STIMATE: variants seen among roughly 807,000 people sequenced by gnomAD.
STIMATE encodes the protein STIM activating enhancer, also known as store-operated calcium entry regulator STIMATE.
Under a neutral mutation model 36.7 loss-of-function variants are expected in STIMATE, and 15 were observed. The observed-to-expected ratio is 0.41, with a 90% CI of 0.27 to 0.63. The LOEUF (loss-of-function observed/expected upper bound fraction) is 0.63. STIMATE is among the 20% of genes least tolerant of loss of function. STIMATE has a pLI of 0.32. For missense variants in STIMATE, 305 were observed against 397.3 expected (o/e 0.77, Z 1.98); for synonymous variants, 163 against 162.3 (o/e 1.00, Z -0.03).
chr3:52,853,758 T>G (rs886493104), intron 2 of STIMATE, among the ~76,000 whole-genome samples: 11 of 152,226 alleles, frequency 7.2e-5, no homozygotes, highest in African/African-American at 2.7e-4. Context: ...ATTATCAAAT[T>G]CGCCAGCAAC....
intron 2 of STIMATE, among the ~76,000 whole-genome samples, chr3:52,854,466 G>A (rs930887332): frequency 6.6e-6 from 1 of 152,230 alleles, no homozygotes; most frequent in Non-Finnish European, 1.5e-5. Context: ...GGGATTTGGA[G>A]CGCTTCCGGG....
chr3:52,862,507 C>A (rs1249355314), intron 1 of STIMATE, among the ~76,000 whole-genome samples: 1 of 152,218 alleles, frequency 6.6e-6, no homozygotes, highest in East Asian at 1.9e-4. Flanking sequence ...AAACTTGCCT[C>A]ATCTTAGAAT....
intron 1 of STIMATE, among the ~76,000 whole-genome samples, chr3:52,885,562 A>C (rs1351780761): frequency 1.3e-5 from 2 of 152,220 alleles, no homozygotes; most frequent in African/African-American, 4.8e-5. Flanking sequence ...TTCCACTTAC[A>C]GTTCTCCAGC....
At chr3:52,866,890 T>C (rs1003520778) in intron 1 of STIMATE, among the ~76,000 whole-genome samples, 1 of 152,208 alleles carries the variant, frequency 6.6e-6, no homozygotes, top group African/African-American at 2.4e-5. Context: ...AGCACAACTG[T>C]CTTGAGATTA....
At chr3:52,869,963 C>T (rs1176996608) in intron 1 of STIMATE, among the ~76,000 whole-genome samples, 2 of 152,208 alleles carry the variant, frequency 1.3e-5, no homozygotes, top group African/African-American at 2.4e-5. Flanking sequence ...AGTATTACAG[C>T]CATGCTTTGT....
At chr3:52,868,862 C>T (rs555033689) in intron 1 of STIMATE, among the ~76,000 whole-genome samples, 5 of 152,130 alleles carry the variant, frequency 3.3e-5, no homozygotes, top group Non-Finnish European at 7.3e-5. Flanking sequence ...ATAAGTGATC[C>T]GCCTGCCTTG....
chr3:52,876,454 A>C (rs1701504557), intron 1 of STIMATE, among the ~76,000 whole-genome samples: 1 of 152,202 alleles, frequency 6.6e-6, no homozygotes, highest in Non-Finnish European at 1.5e-5. Flanking sequence ...AGAACACTTA[A>C]ATCTACAGTT....
intron 1 of STIMATE, among the ~76,000 whole-genome samples, chr3:52,887,178 C>A (rs1701699095): frequency 6.6e-6 from 1 of 152,172 alleles, no homozygotes; most frequent in Admixed American, 6.5e-5. Context: ...GAGTTTTGAT[C>A]ATTATACTGT....
intron 5 of STIMATE, among the ~76,000 whole-genome samples, chr3:52,844,407 C>T (rs756225561): frequency 6.6e-6 from 1 of 152,162 alleles, no homozygotes; most frequent in Non-Finnish European, 1.5e-5. Context: ...TTGGGGAGCC[C>T]GTGGGCTGGC....
intron 1 of STIMATE, among the ~76,000 whole-genome samples, chr3:52,894,677 G>C (rs1398119054): frequency 1.3e-5 from 2 of 152,198 alleles, no homozygotes; most frequent in African/African-American, 4.8e-5. Flanking sequence ...GGTGAAGTAA[G>C]GAAAACTACC....
intron 1 of STIMATE, among the ~76,000 whole-genome samples, chr3:52,858,818 A>G (rs1421516786): frequency 6.6e-6 from 1 of 152,178 alleles, no homozygotes; most frequent in Non-Finnish European, 1.5e-5. Context: ...GGTTAGGTCC[A>G]TATGACACAG....
In STIMATE at chr3:52,843,789, A is replaced by G. The variant is rs758367983; in HGVS notation, c.550T>C (p.Leu184=). The G allele has an allele frequency of 1.9e-6, 3 of 1,581,772 alleles. No homozygotes were observed. Among genetic ancestry groups the G allele is most frequent in the African/African-American group, 2.7e-5 (2 of 74,008 alleles). Residue 184 remains leucine, a synonymous_variant, in exon 6 of 8, where the codon TTG becomes CTG. Coordinates refer to ENST00000355083, the MANE Select transcript of STIMATE (RefSeq NM_198563.5). The part of the protein sequence containing the change: ...LILQWKKVAL[L]NPIENPDLKL... ...AAGTCTGGGTTTTCAATGGGATTCA[A>G]CAGGGCCACCTGTAAAGAGAAGCAG...
chr3:52,877,870 C>T (rs912423185), intron 1 of STIMATE, among the ~76,000 whole-genome samples: 2 of 152,098 alleles, frequency 1.3e-5, no homozygotes, highest in African/African-American at 4.8e-5. Context: ...CTAAGGCGGG[C>T]AGATCACGAG....
intron 2 of STIMATE, among the ~76,000 whole-genome samples, chr3:52,854,547 C>T (rs971078241): frequency 2.0e-5 from 3 of 152,314 alleles, no homozygotes; most frequent in East Asian, 1.9e-4. Flanking sequence ...TTCTGGACCT[C>T]GCCCTATGCA....
intron 1 of STIMATE, among the ~76,000 whole-genome samples, chr3:52,889,052 T>C (rs886732159): frequency 1.5e-4 from 23 of 152,142 alleles, no homozygotes; most frequent in African/African-American, 5.3e-4. Flanking sequence ...AACCTGCTTA[T>C]GGCACAAAAT....
intron 1 of STIMATE, among the ~76,000 whole-genome samples, chr3:52,860,937 G>C (rs1701206918): frequency 6.6e-6 from 1 of 152,216 alleles, no homozygotes; most frequent in Non-Finnish European, 1.5e-5. Flanking sequence ...CACGGAAACA[G>C]TTGTGCCCTG....
At chr3:52,852,959 T>C (rs77406711) in intron 2 of STIMATE, among the ~76,000 whole-genome samples, 2,008 of 152,290 alleles carry the variant, frequency 0.013, 47 homozygotes, top group African/African-American at 0.046. Flanking sequence ...TACTTCAAAA[T>C]AAAATGCTCA....
rs748068869 is a variant in STIMATE, at chr3:52,840,500, G to A, written c.879C>T (p.Pro293=). Reference sequence around the variant, plus strand: ...CCCCCAGCATGGGAATGTGTCATACGGGTAGCCCAAAGCGGTGCTTCTTTT... The same window carrying A: ...CCCCCAGCATGGGAATGTGTCATACAGGTAGCCCAAAGCGGTGCTTCTTTT... The part of the protein sequence containing the change: ...VKKKKHRFGL[P]V The change falls in exon 8 of 8, where the codon CCC becomes CCT. Residue 293 remains proline, a synonymous_variant. Transcript: ENST00000355083. The A allele has an allele frequency of 7.6e-5, 123 of 1,613,606 alleles. No homozygotes were observed. The highest frequency in any genetic ancestry group is 9.9e-5 in the Non-Finnish European group (117 of 1,179,798).
intron 1 of STIMATE, among the ~76,000 whole-genome samples, chr3:52,891,493 G>A (rs1701781719): frequency 6.6e-6 from 1 of 152,216 alleles, no homozygotes; most frequent in African/African-American, 2.4e-5. Flanking sequence ...TCACCTGGAA[G>A]TGGGGCAGCC....
Sources: gnomAD v4.1 joint callset for allele counts (sites outside exome capture counted in the v4.1 genomes callset) on GRCh38, gnomAD v4.1.1 for gene constraint, MANE v1.5 for transcripts, NCBI Gene and HGNC (gene_info 2026-07-23, HGNC 2026-07-21) for gene names.